The following PHF3 variants were observed in gnomAD, a reference collection of about 807,000 sequenced individuals.
PHF3 encodes PHD finger protein 3.
In PHF3, 41 loss-of-function variants were observed where a neutral mutation model predicts 178.4. That is an observed-to-expected ratio of 0.23 (90% CI 0.18 to 0.30). The LOEUF (loss-of-function observed/expected upper bound fraction) is 0.30. Among genes scored for constraint, PHF3 ranks in the 10% least tolerant of loss-of-function variants. The pLI is 1.00. For synonymous variants in PHF3, 842 were observed against 800.5 expected (o/e 1.05, Z -0.88); for missense variants, 2,346 against 2,398.1 (o/e 0.98, Z 0.45).
intron 2 of PHF3, among the ~76,000 whole-genome samples, chr6:63,669,273 C>A (rs1179286371): frequency 1.3e-5 from 2 of 152,118 alleles, no homozygotes; most frequent in Non-Finnish European, 2.9e-5. Context: ...CATAATTTAG[C>A]TTTTAACTGT....
chr6:63,637,316 G>T (rs922876507), intron 1 of PHF3, among the ~76,000 whole-genome samples: 1 of 152,108 alleles, frequency 6.6e-6, no homozygotes, highest in Admixed American at 6.5e-5. Flanking sequence ...ATTGTTAAAG[G>T]CCTAACAAAA....
At chr6:63,683,071 A>G (rs1004475680) in intron 3 of PHF3, among the ~76,000 whole-genome samples, 5 of 152,216 alleles carry the variant, frequency 3.3e-5, no homozygotes, top group South Asian at 2.1e-4. Context: ...TTTAAAAGTT[A>G]TTAAGTACTT....
chr6:63,636,208 C>A, intron 1 of PHF3, 58 bp downstream of exon 1: 1 of 363,328 alleles, frequency 2.8e-6, no homozygotes, highest in Non-Finnish European at 4.9e-6. Context: ...TCCCCCATCC[C>A]CTTCCACACG....
intron 6 of PHF3, among the ~76,000 whole-genome samples, chr6:63,695,614 A>C (rs1306458042): frequency 6.6e-6 from 1 of 152,136 alleles, no homozygotes; most frequent in Non-Finnish European, 1.5e-5. Context: ...TGCAAGGGAA[A>C]ACTCTGGTTG....
At chr6:63,664,557 G>A (rs2149560097) in intron 2 of PHF3, among the ~76,000 whole-genome samples, 1 of 152,182 alleles carries the variant, frequency 6.6e-6, no homozygotes, top group East Asian at 1.9e-4. Flanking sequence ...CTGTATTAAT[G>A]TATTTTGTAT....
At chr6:63,672,723 A>G (rs6911092) in intron 2 of PHF3, among the ~76,000 whole-genome samples, 6 of 152,152 alleles carry the variant, frequency 3.9e-5, no homozygotes, top group Non-Finnish European at 7.3e-5. Flanking sequence ...GATGAGCCGT[A>G]ACCTAGCTTA....
In PHF3 at chr6:63,720,324, A is replaced by G. The variant is rs915146401; in HGVS notation, c.*6616A>G. 2.5e-6 allele frequency: 1 copy of G among 403,294 alleles called. No homozygotes were observed. The highest frequency in any genetic ancestry group is 4.1e-5 in the Admixed American group (1 of 24,412). The allele number at this position is 403,294 out of a possible 1,614,324, so 25.0% of individuals were successfully genotyped here. A position where few individuals can be genotyped will look rare whatever the true frequency, so the allele number is the denominator to read the frequency against. On this transcript the variant is annotated 3_prime_UTR_variant, in exon 16 of 16. Coordinates refer to ENST00000262043, the MANE Select transcript of PHF3 (RefSeq NM_001370348.2). ...AAGCATTAGGGATAGGTAAAAAGTG[A>G]ATAAGCAAAGTGAATAAGCACATTC...
Position 63,636,106 on chromosome 6 carries a change from A to G in PHF3, c.-70A>G, listed in dbSNP as rs1207623100. The G allele has an allele frequency of 2.6e-6, 1 of 390,998 alleles. No individual in the cohort carries two copies. Among genetic ancestry groups the G allele is most frequent in the East Asian group, 3.6e-5 (1 of 27,646 alleles). The allele number at this position is 390,998 out of a possible 1,614,324, so 24.2% of individuals were successfully genotyped here. A position where few individuals can be genotyped will look rare whatever the true frequency, so the allele number is the denominator to read the frequency against. On this transcript the variant is annotated 5_prime_UTR_variant, in exon 1 of 16. Transcript: ENST00000262043. ...CTCTTCGGCGGCGGCAGCGTCCACCATCTTCCTCTTGCTGCCAGTGGTAGC... is the reference window on the plus strand; with the variant it reads ...CTCTTCGGCGGCGGCAGCGTCCACCGTCTTCCTCTTGCTGCCAGTGGTAGC...
chr6:63,682,424 G>A (rs983153109), intron 3 of PHF3, among the ~76,000 whole-genome samples: 1 of 152,138 alleles, frequency 6.6e-6, no homozygotes, highest in Middle Eastern at 3.4e-3. Context: ...ATCATCTCTT[G>A]TTTGGTTTCC....
intron 2 of PHF3, among the ~76,000 whole-genome samples, chr6:63,673,644 A>G (rs1243368683): frequency 1.3e-5 from 2 of 152,170 alleles, no homozygotes; most frequent in Admixed American, 6.5e-5. Flanking sequence ...TGTTTTCTTC[A>G]AGGATGGGGC....
chr6:63,645,244 G>A (rs1764734883), intron 1 of PHF3, among the ~76,000 whole-genome samples: 1 of 152,108 alleles, frequency 6.6e-6, no homozygotes, highest in African/African-American at 2.4e-5. Flanking sequence ...GTGTGAAAGG[G>A]TAACACTTAC....
At chr6:63,704,094 G>C (rs914402226) in intron 11 of PHF3, among the ~76,000 whole-genome samples, 1 of 152,036 alleles carries the variant, frequency 6.6e-6, no homozygotes, top group Non-Finnish European at 1.5e-5. Flanking sequence ...TTATTTTTAA[G>C]AGCACTTTTA....
At chr6:63,707,600 C>A (rs1364248776) in intron 13 of PHF3, among the ~76,000 whole-genome samples, 2 of 152,018 alleles carry the variant, frequency 1.3e-5, no homozygotes, top group African/African-American at 4.8e-5. Flanking sequence ...ATGTTGAGAT[C>A]ATATTTTGCT....
Position 63,711,252 on chromosome 6 carries a change from A to G in PHF3, c.3887A>G (p.Lys1296Arg), listed in dbSNP as rs1011420303. The stretch of plus-strand genomic sequence containing the variant: ...CTCTTTGCATACTTCAGTAGCAGAA[A>G]GCGCTATGGAGTAGCTGCTAACAAC... ...TLLFAYFSSR[K>R]RYGVAANNMK... The change falls in exon 15 of 16, where the codon AAG (lysine) becomes AGG (arginine). Residue 1296 changes from lysine to arginine, a missense_variant. Lys to Arg is a conservative substitution (Grantham distance 26, BLOSUM62 2). Coordinates refer to ENST00000262043, the MANE Select transcript of PHF3 (RefSeq NM_001370348.2). The G allele has an allele frequency of 6.2e-7, 1 of 1,613,482 alleles. No individual in the cohort carries two copies. The highest frequency in any genetic ancestry group is 1.3e-5 in the African/African-American group (1 of 74,910).
chr6:63,638,493 GT>G (rs1304427376), intron 1 of PHF3, among the ~76,000 whole-genome samples: 1 of 152,098 alleles, frequency 6.6e-6, no homozygotes, highest in Non-Finnish European at 1.5e-5. Context: ...TTTTACATAT[GT>G]TTTTTCTGGA....
At chr6:63,679,380 T>C (rs967346440) in intron 2 of PHF3, among the ~76,000 whole-genome samples, 4 of 152,136 alleles carry the variant, frequency 2.6e-5, no homozygotes, top group Non-Finnish European at 2.9e-5. Flanking sequence ...GGTAATGTAA[T>C]TATATAGCTA....
intron 13 of PHF3, 43 bp downstream of exon 13, chr6:63,706,919 G>T (rs1767719295): frequency 2.6e-6 from 4 of 1,558,236 alleles, no homozygotes; most frequent in Non-Finnish European, 3.5e-6. Context: ...AATTGATAAT[G>T]TGTGTTTCTG....
At chr6:63,699,259 G>A (rs1488562408) in intron 8 of PHF3, among the ~76,000 whole-genome samples, 2 of 152,146 alleles carry the variant, frequency 1.3e-5, no homozygotes, top group African/African-American at 4.8e-5. Flanking sequence ...CAAAAATCAT[G>A]CCAGCGAACA....
chr6:63,639,266 G>A (rs1026364294), intron 1 of PHF3, among the ~76,000 whole-genome samples: 5 of 152,150 alleles, frequency 3.3e-5, no homozygotes, highest in African/African-American at 9.6e-5. Context: ...TTCGAAGAGC[G>A]TGGTAGATTA....
Sources: gnomAD v4.1 joint callset for allele counts (sites outside exome capture counted in the v4.1 genomes callset) on GRCh38, gnomAD v4.1.1 for gene constraint, MANE v1.5 for transcripts, NCBI Gene and HGNC (gene_info 2026-07-23, HGNC 2026-07-21) for gene names.